The following EPB41L2 variants were observed in gnomAD, a reference collection of about 807,000 sequenced individuals.
EPB41L2 encodes erythrocyte membrane protein band 4.1 like 2.
Under a neutral mutation model 113.0 loss-of-function variants are expected in EPB41L2, and 43 were observed. The observed-to-expected ratio is 0.38, with a 90% CI of 0.30 to 0.49. EPB41L2 has a LOEUF of 0.49. EPB41L2 is among the 20% of genes least tolerant of loss of function. The pLI, the probability that EPB41L2 is intolerant of heterozygous loss-of-function variation, is 0.95. For missense variants in EPB41L2, 1,147 were observed against 1,223.4 expected, an observed-to-expected ratio of 0.94 and a Z score of 0.93; for synonymous variants, 442 against 436.7, an observed-to-expected ratio of 1.01 and a Z score of -0.15.
chr6:130,966,705 T>G (rs1775296180), intron 1 of EPB41L2, among the ~76,000 whole-genome samples: 1 of 152,156 alleles, frequency 6.6e-6, no homozygotes, highest in Non-Finnish European at 1.5e-5. Context: ...AGTACTTTAC[T>G]AGGAGAACAA....
chr6:130,876,830 A>G, intron 14 of EPB41L2: 10 of 1,112,924 alleles, frequency 9.0e-6, no homozygotes, highest in Non-Finnish European at 1.1e-5. Context: ...CATTACACCT[A>G]TAGCAACACA....
At chr6:131,020,995 G>C (rs1354284601) in intron 1 of EPB41L2, among the ~76,000 whole-genome samples, 1 of 151,784 alleles carries the variant, frequency 6.6e-6, no homozygotes, top group Non-Finnish European at 1.5e-5. Flanking sequence ...ACAGGGTCTT[G>C]TTTTATTTCC....
intron 19 of EPB41L2, among the ~76,000 whole-genome samples, chr6:130,846,595 C>T (rs1026420607): frequency 5.3e-5 from 8 of 152,172 alleles, no homozygotes; most frequent in Non-Finnish European, 1.2e-4. Flanking sequence ...CAGCAAAATG[C>T]TTTTGCTTTT....
chr6:130,968,602 A>G (rs1775934670), intron 1 of EPB41L2, among the ~76,000 whole-genome samples: 1 of 152,192 alleles, frequency 6.6e-6, no homozygotes, highest in African/African-American at 2.4e-5. Context: ...GCTGATCAGC[A>G]GAAGGTGCCA....
At chr6:130,966,187 G>A (rs959040769) in intron 1 of EPB41L2, among the ~76,000 whole-genome samples, 2 of 152,156 alleles carry the variant, frequency 1.3e-5, no homozygotes, top group Admixed American at 1.3e-4. Context: ...CTGTGCATAT[G>A]TAAAATAATT....
chr6:130,909,963 T>G (rs1798851822), intron 4 of EPB41L2, among the ~76,000 whole-genome samples: 1 of 152,116 alleles, frequency 6.6e-6, no homozygotes, highest in African/African-American at 2.4e-5. Context: ...CCAAAATAAT[T>G]TATAGATTCA....
chr6:130,959,137 A>G (rs1818494268), intron 1 of EPB41L2, among the ~76,000 whole-genome samples: 1 of 152,238 alleles, frequency 6.6e-6, no homozygotes, highest in African/African-American at 2.4e-5. Context: ...AAGAGAGGAA[A>G]GAGCTAAGGA....
chr6:130,899,060 A>T (rs1369750487), intron 8 of EPB41L2, among the ~76,000 whole-genome samples: 1 of 152,112 alleles, frequency 6.6e-6, no homozygotes, highest in Non-Finnish European at 1.5e-5. Flanking sequence ...CATCAAACAT[A>T]AGCTTTTTGG....
At chr6:130,859,555 A>T (rs768348776) in intron 18 of EPB41L2, among the ~76,000 whole-genome samples, 8 of 152,120 alleles carry the variant, frequency 5.3e-5, no homozygotes, top group African/African-American at 1.9e-4. Context: ...AAACAAAGAG[A>T]AAATTTTACT....
intron 4 of EPB41L2, among the ~76,000 whole-genome samples, chr6:130,923,868 CATTT>C (rs1399079952): frequency 2.0e-5 from 3 of 152,278 alleles, no homozygotes; most frequent in African/African-American, 7.2e-5. Flanking sequence ...CCATTTTAAC[CATTT>C]ATTAATATAC....
chr6:130,969,254 A>G (rs1246529710), intron 1 of EPB41L2, among the ~76,000 whole-genome samples: 5 of 152,158 alleles, frequency 3.3e-5, no homozygotes, highest in Non-Finnish European at 7.3e-5. Flanking sequence ...TCCCAAGTAC[A>G]CATGTACCCC....
chr6:130,976,682 A>T (rs1366787619), intron 1 of EPB41L2, among the ~76,000 whole-genome samples: 2 of 152,228 alleles, frequency 1.3e-5, no homozygotes, highest in Admixed American at 1.3e-4. Flanking sequence ...ATTAGGATAA[A>T]ACTCTTAACA....
chr6:130,947,405 C>A (rs1451129507), intron 3 of EPB41L2, among the ~76,000 whole-genome samples: 1 of 152,044 alleles, frequency 6.6e-6, no homozygotes, highest in African/African-American at 2.4e-5. Context: ...AGAAAAAGAA[C>A]AAACAATAAC....
chr6:130,892,677 CAAGA>C (rs1281558100), intron 10 of EPB41L2, among the ~76,000 whole-genome samples: 1 of 151,860 alleles, frequency 6.6e-6, no homozygotes, highest in Admixed American at 6.6e-5. Flanking sequence ...AATTTAACGT[CAAGA>C]AAGAATCATG....
intron 3 of EPB41L2, among the ~76,000 whole-genome samples, chr6:130,947,027 C>CA (rs1554291475): frequency 1.4e-5 from 2 of 143,238 alleles, no homozygotes; most frequent in African/African-American, 5.3e-5. Flanking sequence ...ACCCCCCCCC[C>CA]AGCCCCTTAA....
intron 19 of EPB41L2, among the ~76,000 whole-genome samples, chr6:130,845,437 G>A (rs1271797187): frequency 6.6e-6 from 1 of 152,084 alleles, no homozygotes; most frequent in Non-Finnish European, 1.5e-5. Context: ...GGGTGCAGTG[G>A]TGCAATCATA....
intron 5 of EPB41L2, 92 bp from the exon 6 acceptor site, chr6:130,904,632 A>T (rs1797209723): frequency 1.8e-6 from 1 of 567,048 alleles, no homozygotes; most frequent in Admixed American, 3.3e-5. Flanking sequence ...AACAGTACAG[A>T]CTAATCCAAC....
At chr6:131,043,225 C>G (rs987578249) in intron 1 of EPB41L2, among the ~76,000 whole-genome samples, 9 of 152,006 alleles carry the variant, frequency 5.9e-5, no homozygotes, top group African/African-American at 2.2e-4. Flanking sequence ...CGCTTGAACC[C>G]GGGATGCAGA....
intron 1 of EPB41L2, among the ~76,000 whole-genome samples, chr6:130,997,323 G>C (rs79452953): frequency 6.6e-6 from 1 of 152,202 alleles, no homozygotes; most frequent in South Asian, 2.1e-4. Context: ...TAAATTAAGA[G>C]GTCTTTAAAA....
Sources: gnomAD v4.1 joint callset for allele counts (sites outside exome capture counted in the v4.1 genomes callset) on GRCh38, gnomAD v4.1.1 for gene constraint, MANE v1.5 for transcripts, NCBI Gene and HGNC (gene_info 2026-07-23, HGNC 2026-07-21) for gene names.